Variants in CYB5A observed in about 807,000 individuals in gnomAD.
CYB5A encodes the protein cytochrome b5.
In CYB5A, 10 loss-of-function variants were observed where a neutral mutation model predicts 16.2. The ratio of observed to expected loss-of-function variants is 0.62; its 90% confidence interval spans 0.38 to 1.04. CYB5A has a LOEUF of 1.04. Among genes scored for constraint, CYB5A ranks in the 50% least tolerant of loss-of-function variants. The pLI is 0.01. For synonymous variants in CYB5A, 62 were observed against 57.0 expected, an observed-to-expected ratio of 1.09 and a Z score of -0.40; for missense variants, 161 against 165.9, an observed-to-expected ratio of 0.97 and a Z score of 0.16.
chr18:74,284,322 A>G (rs1983239133), intron 1 of CYB5A, among the ~76,000 whole-genome samples: 1 of 152,078 alleles, frequency 6.6e-6, no homozygotes, highest in Non-Finnish European at 1.5e-5. Flanking sequence ...TCCCTAGCAC[A>G]TACTGAATGT....
intron 2 of CYB5A, 175 bp from the exon 3 acceptor site, chr18:74,261,119 A>G: frequency 1.7e-6 from 1 of 601,730 alleles, no homozygotes; most frequent in Middle Eastern, 4.6e-4. Flanking sequence ...AAAAATTAGT[A>G]GCAGATTAAG....
At chr18:74,269,193 G>A (rs181018471) in intron 1 of CYB5A, among the ~76,000 whole-genome samples, 5 of 152,088 alleles carry the variant, frequency 3.3e-5, no homozygotes, top group African/African-American at 1.2e-4. Flanking sequence ...AGCTCCTGTC[G>A]CTCCATGGCT....
intron 1 of CYB5A, among the ~76,000 whole-genome samples, chr18:74,274,969 C>T (rs1982810292): frequency 6.6e-6 from 1 of 152,190 alleles, no homozygotes; most frequent in South Asian, 2.1e-4. Flanking sequence ...CCAATCCTTA[C>T]CCCACTTTTG....
In CYB5A at chr18:74,276,565, C is replaced by CT. The variant is rs1599261095; in HGVS notation, c.130-13089dup. 4.6e-5 allele frequency among the ~76,000 whole-genome samples: 7 copies of CT among 151,582 alleles called. No homozygotes were observed. The East Asian group carries it at 1.4e-3, about 29-fold the overall frequency. ...ACACACACACACACACACACACACC[C>CT]TTCTGTCAGGGTTCCACTTGACTAC... On this transcript the variant is annotated intron_variant, in intron 1 of 4. Transcript: ENST00000340533.
chr18:74,269,999 A>G (rs541390923), intron 1 of CYB5A, among the ~76,000 whole-genome samples: 4 of 152,242 alleles, frequency 2.6e-5, no homozygotes, highest in South Asian at 4.1e-4. Flanking sequence ...GCCTTCAGTG[A>G]TATTCTAACA....
At chr18:74,280,709 T>A (rs760640537) in intron 1 of CYB5A, among the ~76,000 whole-genome samples, 1 of 152,230 alleles carries the variant, frequency 6.6e-6, no homozygotes, top group South Asian at 2.1e-4. Context: ...TCCAGAATTA[T>A]GTGCTGAAAA....
intron 3 of CYB5A, chr18:74,256,828 A>T (rs1279003851): frequency 6.2e-7 from 1 of 1,613,878 alleles, no homozygotes; most frequent in East Asian, 2.2e-5. Context: ...AGACCCACCA[A>T]CCTTGAAACA....
chr18:74,260,891 G>A, intron 3 of CYB5A, 24 bp downstream of exon 3: 2 of 1,603,754 alleles, frequency 1.2e-6, no homozygotes, highest in Non-Finnish European at 8.5e-7. Context: ...AACATCCAGA[G>A]ATACTTGAGA....
chr18:74,254,645 G>T (rs539114568), intron 4 of CYB5A, among the ~76,000 whole-genome samples: 1 of 151,128 alleles, frequency 6.6e-6, no homozygotes, highest in Non-Finnish European at 1.5e-5. Context: ...TCAGCCTCCC[G>T]AGTAGCTGGA....
chr18:74,269,332 CCA>C (rs1982573652), intron 1 of CYB5A, among the ~76,000 whole-genome samples: 2 of 117,020 alleles, frequency 1.7e-5, no homozygotes, highest in South Asian at 2.8e-4. Context: ...TTCTCGGCCA[CCA>C]CAGTCTCCTG....
intron 1 of CYB5A, among the ~76,000 whole-genome samples, chr18:74,268,994 A>G (rs1982560356): frequency 6.6e-6 from 1 of 152,228 alleles, no homozygotes; most frequent in African/African-American, 2.4e-5. Context: ...AATAACTGGA[A>G]ATGGCTTTTG....
chr18:74,265,011 A>G (rs955977831), intron 1 of CYB5A, among the ~76,000 whole-genome samples: 5 of 152,166 alleles, frequency 3.3e-5, no homozygotes, highest in Non-Finnish European at 7.3e-5. Flanking sequence ...CCTGACCTTG[A>G]GCAAGTCACC....
At chr18:74,263,268 T>C (rs1599250455) in intron 2 of CYB5A, 81 bp downstream of exon 2, 9 of 1,577,998 alleles carry the variant, frequency 5.7e-6, no homozygotes, top group African/African-American at 1.3e-5. Flanking sequence ...AAAATGTGTA[T>C]ACATGCAAGC....
At chr18:74,267,064 T>C (rs1489363799) in intron 1 of CYB5A, among the ~76,000 whole-genome samples, 2 of 152,196 alleles carry the variant, frequency 1.3e-5, no homozygotes, top group South Asian at 4.1e-4. Context: ...GAGAGACACT[T>C]GGCCAAGTAA....
rs183776893 is a variant in CYB5A, at chr18:74,274,188, A to G, written c.130-10711T>C. On this transcript the variant is annotated intron_variant, in intron 1 of 4. Transcript: ENST00000340533. ...CGAATATGTCACAGTCAGCTGTAAA[A>G]TAAGTACAATCAATAAAGACATGAT... is the stretch of plus-strand genomic sequence containing the variant. Among the ~76,000 whole-genome samples the G allele has an allele frequency of 7.2e-5, 11 of 152,380 alleles. No individual in the cohort carries two copies. In the East Asian group the frequency reaches 7.7e-4, roughly 11 times the overall value.
intron 2 of CYB5A, 87 bp from the exon 3 acceptor site, chr18:74,261,031 A>G: frequency 9.8e-7 from 1 of 1,023,732 alleles, no homozygotes; most frequent in South Asian, 1.3e-5. Flanking sequence ...ACTTTTTAAA[A>G]TTATAATTCA....
At chr18:74,264,883 A>G (rs993457272) in intron 1 of CYB5A, among the ~76,000 whole-genome samples, 2 of 152,182 alleles carry the variant, frequency 1.3e-5, no homozygotes, top group African/African-American at 2.4e-5. Flanking sequence ...AGGCAAGGGA[A>G]GCAGCTCTCA....
At chr18:74,287,876 T>C (rs1160432429) in intron 1 of CYB5A, among the ~76,000 whole-genome samples, 1 of 152,116 alleles carries the variant, frequency 6.6e-6, no homozygotes, top group South Asian at 2.1e-4. Context: ...GAAAGGGAAA[T>C]GCAAACATTT....
chr18:74,262,455 C>CAAAAAAA (rs5826311), intron 2 of CYB5A, among the ~76,000 whole-genome samples: 1 of 132,200 alleles, frequency 7.6e-6, no homozygotes. Flanking sequence ...GACTCTGTCT[C>CAAAAAAA]AAAAAAAAAA....
Sources: gnomAD v4.1 joint callset for allele counts (sites outside exome capture counted in the v4.1 genomes callset) on GRCh38, gnomAD v4.1.1 for gene constraint, MANE v1.5 for transcripts, NCBI Gene and HGNC (gene_info 2026-07-23, HGNC 2026-07-21) for gene names.